The following MAPK9 variants were observed in gnomAD, a reference collection of about 807,000 sequenced individuals.
MAPK9 encodes the protein Jun kinase.
MAPK9 carries 30 observed loss-of-function variants against 57.1 expected under a neutral mutation model. The ratio of observed to expected loss-of-function variants is 0.53; its 90% CI spans 0.39 to 0.71. The LOEUF (loss-of-function observed/expected upper bound fraction) is 0.71, where lower values mean the gene tolerates loss of function less well. MAPK9 is among the 30% of genes least tolerant of loss of function. The pLI is 0.00. For synonymous variants in MAPK9, 155 were observed against 177.0 expected (o/e 0.88, Z 0.99); for missense variants, 362 against 521.0 (o/e 0.69, Z 2.97).
intron 5 of MAPK9, 147 bp from the exon 6 acceptor site, chr5:180,249,285 C>T (rs1380287015): frequency 1.3e-6 from 1 of 796,834 alleles, no homozygotes; most frequent in Admixed American, 3.3e-5. Context: ...AAATCTTACT[C>T]TCAAATTGAA....
At chr5:180,287,021 C>T (rs1278015604) in intron 1 of MAPK9, 1 of 152,232 alleles carries the variant, frequency 6.6e-6, no homozygotes, top group African/African-American at 2.4e-5. Flanking sequence ...CGAAAAAAGC[C>T]AATCTCAAAA....
chr5:180,278,646 C>A (rs62404890), intron 2 of MAPK9, among the ~76,000 whole-genome samples: 26,552 of 152,084 alleles, frequency 0.17, 2,963 homozygotes, highest in Non-Finnish European at 0.25. Context: ...CTACAGTGAG[C>A]TGAGATCGCG....
Position 180,291,950 on chromosome 5 carries a change from CCCGCCCCGCTCCGCT to C in MAPK9, c.-165_-151del, listed in dbSNP as rs1763303121. The stretch of plus-strand genomic sequence containing the variant: ...TCCGCGGCCCCGGCTCCGCCGCCGG[CCCGCCCCGCTCCGCT>C]CCGCCCCGCCGCCGCCGCCGCCGCC... On this transcript the variant is annotated 5_prime_UTR_variant, in exon 1 of 12. Transcript: ENST00000452135. The C allele has an allele frequency of 1.4e-5, 2 of 144,706 alleles. No homozygotes were observed. Among genetic ancestry groups the C allele is most frequent in the South Asian group, 3.6e-4 (2 of 5,512 alleles). The allele number at this position is 144,706 out of a possible 1,614,324, so 9.0% of individuals were successfully genotyped here.
At chr5:180,284,077 T>G (rs1035329694) in intron 1 of MAPK9, among the ~76,000 whole-genome samples, 3 of 152,208 alleles carry the variant, frequency 2.0e-5, no homozygotes, top group Non-Finnish European at 2.9e-5. Flanking sequence ...AGAAAGAAAC[T>G]TAAGGCCACC....
At chr5:180,286,477 A>G (rs908955218) in intron 1 of MAPK9, among the ~76,000 whole-genome samples, 1 of 151,762 alleles carries the variant, frequency 6.6e-6, no homozygotes, top group Non-Finnish European at 1.5e-5. Flanking sequence ...ATAGCTTGGT[A>G]TAACAACGTA....
chr5:180,268,867 T>C (rs1335132348), intron 3 of MAPK9, among the ~76,000 whole-genome samples: 1 of 141,820 alleles, frequency 7.1e-6, no homozygotes, highest in Non-Finnish European at 1.5e-5. Flanking sequence ...AGGCCGGGCA[T>C]GGTGGCTCAC....
At chr5:180,266,831 T>C (rs946863324) in intron 3 of MAPK9, among the ~76,000 whole-genome samples, 4 of 152,212 alleles carry the variant, frequency 2.6e-5, no homozygotes, top group African/African-American at 9.7e-5. Flanking sequence ...TAGAAGTGTG[T>C]GTACTCTGAC....
chr5:180,273,899 G>A (rs1309970269), intron 2 of MAPK9, among the ~76,000 whole-genome samples: 1 of 152,152 alleles, frequency 6.6e-6, no homozygotes, highest in Admixed American at 6.5e-5. Flanking sequence ...CGCAGAGGGA[G>A]TGTTCCTCCC....
intron 2 of MAPK9, among the ~76,000 whole-genome samples, chr5:180,273,177 T>C (rs1761502182): frequency 2.0e-5 from 3 of 152,194 alleles, no homozygotes; most frequent in African/African-American, 4.8e-5. Flanking sequence ...GTTATTTGGG[T>C]ATCCTCCTGT....
chr5:180,258,861 CT>C (rs1377759098), intron 5 of MAPK9, among the ~76,000 whole-genome samples: 16 of 73,796 alleles, frequency 2.2e-4, no homozygotes, highest in Non-Finnish European at 3.7e-4. Context: ...CCTGTCTCTA[CT>C]AAAAAAAAAA....
intron 6 of MAPK9, 45 bp downstream of exon 6, chr5:180,248,928 C>A: frequency 1.3e-6 from 2 of 1,550,362 alleles, no homozygotes; most frequent in Non-Finnish European, 8.7e-7. Flanking sequence ...ACCGCTAGAG[C>A]AATTTCTAAA....
Position 180,269,342 on chromosome 5 carries a change from G to C in MAPK9, c.190C>G (p.Gln64Glu). 6.2e-7 allele frequency: 1 copy of C among 1,613,882 alleles called. No homozygotes were observed. Among genetic ancestry groups the C allele is most frequent in the Non-Finnish European group, 8.5e-7 (1 of 1,179,794 alleles). The change falls in exon 3 of 12, where the codon CAA (glutamine) becomes GAA (glutamate). Residue 64 changes from glutamine to glutamate, a missense_variant. By Grantham distance (29) the Gln-to-Glu change is conservative. This residue lies in a region of MAPK9 where 127 missense variants were observed against 231.7 expected (regional missense o/e 0.55). Coordinates refer to ENST00000452135, the MANE Select transcript of MAPK9 (RefSeq NM_002752.5). ...VKKLSRPFQN[Q>E]THAKRAYREL... Reference sequence around the variant, plus strand: ...CGATAAGCTCTCTTTGCATGAGTTTGGTTCTGAAAAGGACGGCTTAGTTTC... The same window carrying C: ...CGATAAGCTCTCTTTGCATGAGTTTCGTTCTGAAAAGGACGGCTTAGTTTC...
At chr5:180,285,022 C>T (rs937614494) in intron 1 of MAPK9, among the ~76,000 whole-genome samples, 3 of 152,150 alleles carry the variant, frequency 2.0e-5, no homozygotes, top group African/African-American at 4.8e-5. Flanking sequence ...ACATATTTCA[C>T]ATTTAAAAAC....
intron 1 of MAPK9, among the ~76,000 whole-genome samples, chr5:180,285,775 A>G (rs1183989469): frequency 6.6e-6 from 1 of 151,792 alleles, no homozygotes; most frequent in Non-Finnish European, 1.5e-5. Flanking sequence ...AACAATAATA[A>G]TAATAATAAT....
chr5:180,260,903 T>C (rs572528199), intron 5 of MAPK9, among the ~76,000 whole-genome samples: 2 of 151,404 alleles, frequency 1.3e-5, no homozygotes, highest in South Asian at 4.2e-4. Flanking sequence ...AAGAAGTTTA[T>C]TTCATTTTCT....
At chr5:180,242,808 A>C in intron 7 of MAPK9, 53 bp from the exon 8 acceptor site, 1 of 1,370,054 alleles carries the variant, frequency 7.3e-7, no homozygotes, top group Non-Finnish European at 1.0e-6. Flanking sequence ...TTCACAGTAC[A>C]TGCGGCAGCA....
intron 2 of MAPK9, 102 bp from the exon 3 acceptor site, chr5:180,269,511 A>C (rs1012099085): frequency 6.0e-5 from 69 of 1,141,560 alleles, no homozygotes; most frequent in Non-Finnish European, 8.3e-5. Context: ...ATAAGTAACA[A>C]GGAAAAATCT....
intron 4 of MAPK9, 84 bp from the exon 5 acceptor site, chr5:180,261,906 C>A: frequency 1.7e-6 from 2 of 1,171,754 alleles, no homozygotes; most frequent in Non-Finnish European, 2.4e-6. Context: ...TAACTTACTT[C>A]CAATCACTGC....
chr5:180,251,506 TAAAGTCCCA>T (rs1363250923), intron 5 of MAPK9, among the ~76,000 whole-genome samples: 1 of 152,164 alleles, frequency 6.6e-6, no homozygotes, highest in Non-Finnish European at 1.5e-5. Flanking sequence ...ACTGTGGTGA[TAAAGTCCCA>T]AGCTTGTGTG....
Sources: gnomAD v4.1 joint callset for allele counts (sites outside exome capture counted in the v4.1 genomes callset) on GRCh38, gnomAD v4.1.1 for gene constraint, gnomAD v4.1.1 regional missense constraint, MANE v1.5 for transcripts, NCBI Gene and HGNC (gene_info 2026-07-23, HGNC 2026-07-21) for gene names.